The following CR2 variants were observed in gnomAD, a reference collection of about 807,000 sequenced individuals.
CR2 encodes the protein complement C3d receptor 2.
A neutral mutation model predicts 123.0 loss-of-function variants in CR2; 96 were observed. That is an observed-to-expected ratio of 0.78 (90% confidence interval 0.66 to 0.93). The LOEUF (loss-of-function observed/expected upper bound fraction) is 0.93, where lower values mean the gene tolerates loss of function less well. CR2 is among the 40% of genes least tolerant of loss of function. The probability of loss-of-function intolerance (pLI) is 0.00; values close to 1 mark genes in which losing one functional copy is unlikely to be tolerated. For missense variants in CR2, 1,258 were observed against 1,361.0 expected (o/e 0.92, Z 1.19); for synonymous variants, 484 against 469.5 (o/e 1.03, Z -0.40).
intron 18 of CR2, among the ~76,000 whole-genome samples, chr1:207,481,458 G>A (rs1658600330): frequency 1.3e-5 from 2 of 151,894 alleles, no homozygotes; most frequent in African/African-American, 4.8e-5. Context: ...AGCTTTTTCC[G>A]AGATGTGTTC....
At chr1:207,480,529 C>T (rs1213739677) in intron 18 of CR2, among the ~76,000 whole-genome samples, 1 of 151,992 alleles carries the variant, frequency 6.6e-6, no homozygotes, top group Non-Finnish European at 1.5e-5. Flanking sequence ...GTTTTAAGTT[C>T]CTTCCAAATT....
At chr1:207,467,213 G>A (rs1658126906) in intron 2 of CR2, among the ~76,000 whole-genome samples, 2 of 152,136 alleles carry the variant, frequency 1.3e-5, no homozygotes, top group Non-Finnish European at 2.9e-5. Flanking sequence ...ATGTGGGAAT[G>A]GGGTGGTTTT....
At chr1:207,475,901 A>G (rs377165124) in intron 14 of CR2, among the ~76,000 whole-genome samples, 49 of 152,312 alleles carry the variant, frequency 3.2e-4, no homozygotes, top group Middle Eastern at 3.4e-3. Flanking sequence ...TTCACTTCCT[A>G]GCTCTCGTAG....
At chr1:207,480,788 T>A (rs1414523927) in intron 18 of CR2, among the ~76,000 whole-genome samples, 1 of 152,170 alleles carries the variant, frequency 6.6e-6, no homozygotes, top group Non-Finnish European at 1.5e-5. Flanking sequence ...TACAAACCAC[T>A]TTGTGTTTAA....
intron 1 of CR2, among the ~76,000 whole-genome samples, chr1:207,456,492 C>A (rs989978912): frequency 6.6e-6 from 1 of 152,238 alleles, no homozygotes; most frequent in South Asian, 2.1e-4. Flanking sequence ...ATCTATAGGG[C>A]ACACTGCTAT....
intron 6 of CR2, 84 bp from the exon 7 acceptor site, chr1:207,470,656 C>T (rs758549607): frequency 2.3e-5 from 31 of 1,326,818 alleles, no homozygotes; most frequent in Non-Finnish European, 3.2e-5. Flanking sequence ...GGAATTATAG[C>T]ATGAATATCA....
At chr1:207,483,140 CA>C (rs1156985610) in intron 18 of CR2, among the ~76,000 whole-genome samples, 1 of 152,042 alleles carries the variant, frequency 6.6e-6, no homozygotes, top group East Asian at 1.9e-4. Flanking sequence ...GAAGTCTTAC[CA>C]ACTCTCAGGT....
At position 207,473,023 on chromosome 1, in the gene CR2, G is replaced by T. The variant is rs2102305968; in HGVS notation, c.1822G>T (p.Ala608Ser). 6.2e-7 allele frequency: 1 copy of T among 1,613,922 alleles called. No homozygotes were observed. The highest frequency in any genetic ancestry group is 2.2e-5 in the East Asian group (1 of 44,866). Residue 608 changes from alanine (A) to serine (S), a missense_variant, in exon 10 of 20, where the codon GCA (alanine) becomes TCA (serine). Physicochemically the swap from Ala to Ser is moderately conservative, Grantham distance 99. Transcript: ENST00000367057. Reference protein sequence around the residue: ...LAVQCSHVHIANGYKISGKEA... With the variant: ...LAVQCSHVHISNGYKISGKEA... ...TGTCCAGTGCTCACATGTCCATATT[G>T]CAAATGGATACAAGATATCTGGCAA...
In CR2 at chr1:207,470,058, A is replaced by G; in HGVS notation, c.1181A>G (p.Asn394Ser). The change falls in exon 6 of 20, where the codon AAT (asparagine) becomes AGT (serine). Residue 394 changes from asparagine (N) to serine (S), a missense_variant. Coordinates refer to ENST00000367057, the MANE Select transcript of CR2 (RefSeq NM_001006658.3). Reference sequence around the variant, plus strand: ...AAGGGCAGCAAGCAAATCCGATGCAATGCCCAAGGCACATGGGAGCCATCT... The same window carrying G: ...AAGGGCAGCAAGCAAATCCGATGCAGTGCCCAAGGCACATGGGAGCCATCT... ...TLKGSKQIRC[N>S]AQGTWEPSAP... 7.4e-6 allele frequency: 12 copies of G among 1,613,954 alleles called. No homozygotes were observed. Among genetic ancestry groups the G allele is most frequent in the Non-Finnish European group, 1.0e-5 (12 of 1,179,886 alleles).
chr1:207,478,658 C>T (rs934582900), intron 16 of CR2, among the ~76,000 whole-genome samples: 1 of 150,066 alleles, frequency 6.7e-6, no homozygotes, highest in African/African-American at 2.5e-5. Flanking sequence ...TTAAAAGGAA[C>T]AAAAATGTGA....
intron 1 of CR2, among the ~76,000 whole-genome samples, chr1:207,456,433 A>G (rs1269245391): frequency 6.6e-6 from 1 of 152,258 alleles, no homozygotes; most frequent in Non-Finnish European, 1.5e-5. Flanking sequence ...TGGAGTTAGC[A>G]CAGGAAAGCT....
Position 207,474,903 on chromosome 1 carries a change from T to TG in CR2, c.2404dup (p.Glu802GlyfsTer5). The stretch of plus-strand genomic sequence containing the variant: ...TGGCAGAAAACTTTCTATATGGAAA[T>TG]GAAGTCTCTTATGAATGTGACCAAG... On this transcript the variant is annotated frameshift_variant, in exon 14 of 20. Coordinates refer to ENST00000367057, the MANE Select transcript of CR2 (RefSeq NM_001006658.3). LOFTEE classifies it high-confidence loss of function. 1 of 1,614,038 alleles carries TG rather than the reference T, an allele frequency of 6.2e-7. No homozygotes were observed. Among genetic ancestry groups the TG allele is most frequent in the Non-Finnish European group, 8.5e-7 (1 of 1,179,958 alleles).
chr1:207,466,439 G>A, intron 1 of CR2, 87 bp from the exon 2 acceptor site: 3 of 1,465,670 alleles, frequency 2.0e-6, no homozygotes, highest in Non-Finnish European at 2.9e-6. Flanking sequence ...AAAAAGTTAT[G>A]TGATCTATAT....
chr1:207,488,338 G>C (rs1658803873), intron 19 of CR2, among the ~76,000 whole-genome samples: 1 of 152,160 alleles, frequency 6.6e-6, no homozygotes, highest in African/African-American at 2.4e-5. Context: ...AGAAAATAAA[G>C]ATACCAGCCA....
Position 207,476,130 on chromosome 1 carries a change from T to C in CR2, c.2717-104T>C, listed in dbSNP as rs1034809618. 2.8e-6 allele frequency: 3 copies of C among 1,053,412 alleles called. No individual in the cohort carries two copies. In the Admixed American group the frequency reaches 5.4e-5, roughly 19 times the overall value. 65.3% of individuals were successfully genotyped at this position (1,053,412 alleles called of 1,614,324 possible). On this transcript the variant is annotated intron_variant, in intron 14 of 19. Transcript: ENST00000367057. ...TGAATGTTTTTGGATACCAGTTAGT[T>C]GGCTTGTTGCTTCTGGCCTTCCTGT...
intron 19 of CR2, among the ~76,000 whole-genome samples, chr1:207,485,973 G>A (rs891250179): frequency 6.6e-6 from 1 of 152,128 alleles, no homozygotes; most frequent in Non-Finnish European, 1.5e-5. Flanking sequence ...GCTCACGCCT[G>A]TAATCCCAGC....
chr1:207,454,570 G>C lies in CR2; in HGVS notation c.58+94G>C. ...CAAAGCAGGGGGCCAAAAGCGAGAC[G>C]GTGGGGGCAGTGCTCGACGCGTGTC... On this transcript the variant is annotated intron_variant, in intron 1 of 19. Transcript: ENST00000367057. This position sits in a 1 kb window ranked among gnomAD's most constrained non-coding sequence, Gnocchi z 4.3. 3.1e-6 allele frequency: 3 copies of C among 977,830 alleles called. No homozygotes were observed. Among genetic ancestry groups the C allele is most frequent in the Non-Finnish European group, 4.4e-6 (3 of 675,554 alleles). 60.6% of individuals were successfully genotyped at this position (977,830 alleles called of 1,614,324 possible).
intron 19 of CR2, among the ~76,000 whole-genome samples, chr1:207,487,632 A>G (rs1490499773): frequency 6.6e-6 from 1 of 152,268 alleles, no homozygotes; most frequent in Non-Finnish European, 1.5e-5. Context: ...CATAAAGTCA[A>G]CAGAAATATT....
chr1:207,471,760 C>T (rs912852720), intron 9 of CR2: 3 of 408,330 alleles, frequency 7.3e-6, no homozygotes, highest in African/African-American at 6.2e-5. Context: ...GTATATGAGC[C>T]ACCATCTTAA....
Sources: allele counts gnomAD v4.1 joint callset (sites outside exome capture counted in the v4.1 genomes callset), GRCh38; gene constraint gnomAD v4.1.1; non-coding constraint Gnocchi (gnomAD v3.1); transcripts MANE v1.5; gene names NCBI Gene and HGNC (gene_info 2026-07-23, HGNC 2026-07-21).